RABGAP1: variants seen among roughly 807,000 people sequenced by gnomAD.
RABGAP1 encodes the protein rab GTPase-activating protein 1.
A neutral mutation model predicts 137.6 loss-of-function variants in RABGAP1; 23 were observed. The ratio of observed to expected loss-of-function variants is 0.17; its 90% CI spans 0.12 to 0.24. The LOEUF is 0.24. Ranked by LOEUF, RABGAP1 falls within the 10% of genes least tolerant of loss-of-function variation. The pLI is 1.00. For synonymous variants in RABGAP1, 451 were observed against 450.7 expected, an observed-to-expected ratio of 1.00 and a Z score of -0.01; for missense variants, 906 against 1,275.8, an observed-to-expected ratio of 0.71 and a Z score of 4.42.
At position 122,957,113 on chromosome 9, in the gene RABGAP1, T is replaced by C. The variant is rs1394576710; in HGVS notation, c.54T>C (p.Ser18=). The change falls in exon 2 of 26, where the codon TCT becomes TCC. Residue 18 remains serine (S), a synonymous_variant. Coordinates refer to ENST00000373647, the MANE Select transcript of RABGAP1 (RefSeq NM_012197.4). The stretch of plus-strand genomic sequence containing the variant: ...TCAGTGTCTCTTCAGACTCAGTATC[T>C]ACTCTTAATAGTGAAGATTTTGTCT... ...GKISVSSDSV[S]TLNSEDFVLV... 1 of 1,564,922 alleles carries C rather than the reference T, an allele frequency of 6.4e-7. No individual in the cohort carries two copies. The highest frequency in any genetic ancestry group is 8.7e-7 in the Non-Finnish European group (1 of 1,145,924).
At chr9:123,050,994 C>G (rs552212676) in intron 13 of RABGAP1, among the ~76,000 whole-genome samples, 1 of 151,444 alleles carries the variant, frequency 6.6e-6, no homozygotes, top group East Asian at 1.9e-4. Context: ...CATGCTAATA[C>G]CACAACTTAG....
intron 13 of RABGAP1, among the ~76,000 whole-genome samples, chr9:123,053,044 A>G (rs2033554663): frequency 6.6e-6 from 1 of 152,140 alleles, no homozygotes; most frequent in East Asian, 1.9e-4. Context: ...TACTATACAC[A>G]CCTTCATTTT....
chr9:122,940,634 C>G (rs1483809736), upstream of RABGAP1, among the ~76,000 whole-genome samples: 1 of 152,200 alleles, frequency 6.6e-6, no homozygotes, highest in Non-Finnish European at 1.5e-5. Context: ...AGGACTTGCA[C>G]ATGAAAGGTG....
chr9:123,064,448 G>T (rs1407124925), intron 13 of RABGAP1, among the ~76,000 whole-genome samples: 3 of 152,308 alleles, frequency 2.0e-5, no homozygotes, highest in South Asian at 2.1e-4. Flanking sequence ...AAAGGCTAGA[G>T]AAATTATTGG....
chr9:123,021,445 T>C (rs1436731038), intron 13 of RABGAP1, among the ~76,000 whole-genome samples: 1 of 150,220 alleles, frequency 6.7e-6, no homozygotes, highest in African/African-American at 2.4e-5. Context: ...TGCCTCCATC[T>C]CCCAAGAAGC....
intron 2 of RABGAP1, among the ~76,000 whole-genome samples, chr9:122,963,840 CA>C (rs1834983578): frequency 6.6e-6 from 1 of 151,886 alleles, no homozygotes; most frequent in Admixed American, 6.6e-5. Context: ...TTGAAAATAC[CA>C]ACAAAATTGA....
intron 13 of RABGAP1, among the ~76,000 whole-genome samples, chr9:123,023,531 T>A (rs1012432566): frequency 1.3e-5 from 2 of 152,192 alleles, no homozygotes; most frequent in African/African-American, 4.8e-5. Context: ...ACGTGCTCAT[T>A]TGTATCTCAC....
At chr9:122,938,257 T>TA (rs148028119), upstream of RABGAP1, 10,636 of 152,134 alleles carry the variant, frequency 0.07, 436 homozygotes, top group African/African-American at 0.086. Context: ...GAGTGATCTT[T>TA]AAAAAAACCC....
intron 17 of RABGAP1, among the ~76,000 whole-genome samples, chr9:123,075,528 T>C (rs1588381658): frequency 6.6e-6 from 1 of 152,232 alleles, no homozygotes; most frequent in Non-Finnish European, 1.5e-5. Flanking sequence ...TTTTTCTTAG[T>C]TGCTGCCAAG....
At chr9:123,018,401 G>A (rs2031391134) in intron 12 of RABGAP1, among the ~76,000 whole-genome samples, 1 of 152,226 alleles carries the variant, frequency 6.6e-6, no homozygotes, top group Admixed American at 6.5e-5. Flanking sequence ...TCTGTAAAGA[G>A]CCAAATAATA....
chr9:123,083,477 G>T (rs1182699268), intron 19 of RABGAP1, among the ~76,000 whole-genome samples: 2 of 152,072 alleles, frequency 1.3e-5, no homozygotes, highest in African/African-American at 4.8e-5. Context: ...GGTAGCAGTG[G>T]GCACTGCCTT....
chr9:122,978,596 C>G (rs968345318), intron 2 of RABGAP1, among the ~76,000 whole-genome samples: 2 of 152,180 alleles, frequency 1.3e-5, no homozygotes, highest in Non-Finnish European at 2.9e-5. Context: ...GATCGTGCCA[C>G]TCTCCTGCAG....
At chr9:122,932,679 G>A in the RABGAP1 span, among the ~76,000 whole-genome samples, 1 of 152,000 alleles carries the variant, frequency 6.6e-6, no homozygotes, top group Non-Finnish European at 1.5e-5. Flanking sequence ...ACAGGCATGC[G>A]CCACCACACC....
chr9:123,078,348 A>G (rs2034587510), intron 19 of RABGAP1, among the ~76,000 whole-genome samples: 1 of 152,166 alleles, frequency 6.6e-6, no homozygotes, highest in Non-Finnish European at 1.5e-5. Flanking sequence ...GCTAACAGTT[A>G]ATGATAGTTT....
chr9:123,098,506 G>A (rs746068890), intron 22 of RABGAP1, among the ~76,000 whole-genome samples: 1 of 152,188 alleles, frequency 6.6e-6, no homozygotes, highest in Non-Finnish European at 1.5e-5. Context: ...GGGGTCTGAC[G>A]TTTTTGGAAG....
the RABGAP1 span, among the ~76,000 whole-genome samples, chr9:122,932,221 G>A: frequency 6.6e-6 from 1 of 152,000 alleles, no homozygotes; most frequent in Non-Finnish European, 1.5e-5. Context: ...TTCGTTTTTG[G>A]TGGTGGTGAG....
At chr9:123,020,557 T>A (rs2031561385) in intron 13 of RABGAP1, 98 bp downstream of exon 13, 11 of 1,175,644 alleles carry the variant, frequency 9.4e-6, no homozygotes, top group Non-Finnish European at 1.2e-5. Context: ...TGTTTATTAT[T>A]AATTTATTTA....
At chr9:123,000,930 A>G (rs1473321655) in intron 10 of RABGAP1, among the ~76,000 whole-genome samples, 3 of 152,068 alleles carry the variant, frequency 2.0e-5, no homozygotes, top group African/African-American at 7.2e-5. Flanking sequence ...AAAACCCTCC[A>G]GCCTTGTTTT....
rs762167118 is a variant in RABGAP1, at chr9:122,990,221, A to G, written c.923+8A>G. 1 of 1,582,584 alleles carries G rather than the reference A, an allele frequency of 6.3e-7. No individual in the cohort carries two copies. Among genetic ancestry groups the G allele is most frequent in the East Asian group, 2.3e-5 (1 of 44,372 alleles). ...TGGTAAAGGTTATTTTAGGTAGGGA[A>G]TCTTATTTTATTCATGTATTAACAT... On this transcript the variant is annotated splice_region_variant and intron_variant, in intron 6 of 25. Coordinates refer to ENST00000373647, the MANE Select transcript of RABGAP1 (RefSeq NM_012197.4).
Sources: allele counts gnomAD v4.1 joint callset (sites outside exome capture counted in the v4.1 genomes callset), GRCh38; gene constraint gnomAD v4.1.1; transcripts MANE v1.5; gene names NCBI Gene and HGNC (gene_info 2026-07-23, HGNC 2026-07-21).